The following DMD variants were observed in gnomAD, a reference collection of about 807,000 sequenced individuals.
The protein encoded by DMD is dystrophin.
In DMD, 63 loss-of-function variants were observed where a neutral mutation model predicts 330.1. That is an observed-to-expected ratio of 0.19 (90% CI 0.16 to 0.24). The LOEUF (loss-of-function observed/expected upper bound fraction) is 0.24, where lower values mean the gene tolerates loss of function less well. DMD is among the 10% of genes least tolerant of loss of function. The pLI, the probability that DMD is intolerant of heterozygous loss-of-function variation, is 1.00. For synonymous variants in DMD, 1,223 were observed against 959.8 expected (o/e 1.27, Z -5.07); for missense variants, 3,344 against 2,684.1 (o/e 1.25, Z -5.43).
intron 55 of DMD, among the ~76,000 whole-genome samples, chrX:31,623,874 C>G (rs2078696741): frequency 9.0e-6 from 1 of 110,658 alleles, no homozygotes. Flanking sequence ...CACCACATAC[C>G]CACACCCCCA....
At chrX:33,121,527 C>T (rs2095425017) in intron 1 of DMD, among the ~76,000 whole-genome samples, 1 of 112,219 alleles carries the variant, frequency 8.9e-6, no homozygotes, top group Admixed American at 9.5e-5. Flanking sequence ...GCCACCACGC[C>T]TGGCCTATCA....
intron 44 of DMD, among the ~76,000 whole-genome samples, chrX:32,119,007 G>C (rs777263984): frequency 6.3e-5 from 7 of 111,154 alleles, no homozygotes; most frequent in African/African-American, 2.3e-4. Context: ...TCCTGATGTG[G>C]GGCCCCGGTT....
At chrX:32,782,993 GTA>G (rs764823578) in intron 7 of DMD, among the ~76,000 whole-genome samples, 1 of 101,631 alleles carries the variant, frequency 9.8e-6, no homozygotes, top group Non-Finnish European at 2.0e-5. Flanking sequence ...TATGGTGTGT[GTA>G]TATATACACA....
At chrX:32,155,415 T>C (rs1603627300) in intron 44 of DMD, 1 of 752,793 alleles carries the variant, frequency 1.3e-6, no homozygotes, top group East Asian at 1.5e-4. Context: ...CACGGATGCT[T>C]TTAGTTCAGA....
intron 51 of DMD, among the ~76,000 whole-genome samples, chrX:31,740,173 T>C (rs193138188): frequency 1.8e-5 from 2 of 112,343 alleles, no homozygotes; most frequent in Admixed American, 1.9e-4. Flanking sequence ...AATTTGTTGA[T>C]AATGATTTGC....
chrX:31,744,750 A>G (rs1008052642), intron 51 of DMD, among the ~76,000 whole-genome samples: 1 of 112,463 alleles, frequency 8.9e-6, no homozygotes, highest in Non-Finnish European at 1.9e-5. Flanking sequence ...CTATCCAAAG[A>G]CTGTAGAAAT....
At chrX:32,529,066 C>G (rs1417701735) in intron 17 of DMD, among the ~76,000 whole-genome samples, 1 of 106,768 alleles carries the variant, frequency 9.4e-6, no homozygotes, top group South Asian at 4.3e-4. Context: ...GGACTACAGG[C>G]GCCTGCCGCC....
rs1298028839 is a variant in DMD at position 31,153,979 on chromosome X, CAAG to C, written c.10554-6464_10554-6462del. Among the ~76,000 whole-genome samples, 12 of 112,114 alleles carry C rather than the reference CAAG, an allele frequency of 1.1e-4. No individual in the cohort carries two copies. In the East Asian group the frequency reaches 2.0e-3, roughly 18 times the overall value. ...ATTTCTAAATGTTCATGAGAATTAT[CAAG>C]AAGAACTGATGCTGGAGGGTTTGAA... On this transcript the variant is annotated intron_variant, in intron 74 of 78. Coordinates refer to ENST00000357033, the MANE Select transcript of DMD (RefSeq NM_004006.3).
At chrX:31,142,245 A>T (rs1367197530) in intron 76 of DMD, among the ~76,000 whole-genome samples, 1 of 112,065 alleles carries the variant, frequency 8.9e-6, no homozygotes, top group Non-Finnish European at 1.9e-5. Flanking sequence ...AATATCTTTC[A>T]TTTTAGAAGG....
intron 50 of DMD, among the ~76,000 whole-genome samples, chrX:31,808,109 G>C (rs953336591): frequency 2.7e-5 from 3 of 111,772 alleles, no homozygotes; most frequent in African/African-American, 6.5e-5. Context: ...ATAAATATTA[G>C]GTATGTTCGG....
At chrX:33,014,487 G>T (rs1461331080) in intron 2 of DMD, among the ~76,000 whole-genome samples, 1 of 111,780 alleles carries the variant, frequency 8.9e-6, no homozygotes, top group Non-Finnish European at 1.9e-5. Flanking sequence ...ATGTTACGGA[G>T]ATTGAATTTC....
chrX:32,185,891 T>C (rs758398180), intron 44 of DMD, among the ~76,000 whole-genome samples: 3 of 110,935 alleles, frequency 2.7e-5, no homozygotes, highest in African/African-American at 6.5e-5. Context: ...AATGTATCCC[T>C]TCATTTTGAG....
At chrX:31,858,086 C>G (rs1015072291) in intron 48 of DMD, among the ~76,000 whole-genome samples, 1 of 96,860 alleles carries the variant, frequency 1.0e-5, no homozygotes, top group Non-Finnish European at 2.1e-5. Flanking sequence ...GTAACATCAG[C>G]TAACTTTGCC....
chrX:32,451,079 T>C (rs921920827), intron 26 of DMD, among the ~76,000 whole-genome samples: 4 of 111,099 alleles, frequency 3.6e-5, no homozygotes, highest in Non-Finnish European at 7.6e-5. Context: ...CTCTGCCATC[T>C]TTCATTGCTA....
At chrX:32,492,261 C>A (rs758908690) in intron 19 of DMD, among the ~76,000 whole-genome samples, 6 of 111,829 alleles carry the variant, frequency 5.4e-5, no homozygotes, top group Middle Eastern at 4.7e-3. Flanking sequence ...TGGCGTGAAC[C>A]CGGGAGGCGG....
chrX:32,842,788 T>C (rs1222840447), intron 4 of DMD, among the ~76,000 whole-genome samples: 2 of 109,104 alleles, frequency 1.8e-5, no homozygotes, highest in Non-Finnish European at 3.8e-5. Context: ...TTGTATTTCA[T>C]GCTGTATATG....
At chrX:33,309,007 G>T (rs1027627303) in intron 1 of DMD, among the ~76,000 whole-genome samples, 2 of 111,534 alleles carry the variant, frequency 1.8e-5, no homozygotes, top group East Asian at 2.8e-4. Flanking sequence ...CTTTGGAGAG[G>T]ATGCATTCGG....
At chrX:32,554,408 AAC>A (rs2049931942) in intron 16 of DMD, among the ~76,000 whole-genome samples, 1 of 111,368 alleles carries the variant, frequency 9.0e-6, no homozygotes, top group Non-Finnish European at 1.9e-5. Flanking sequence ...GAATCAAATA[AAC>A]ACAATGAAAA....
chrX:33,008,822 G>GCA (rs2093459324), intron 2 of DMD, among the ~76,000 whole-genome samples: 1 of 40,001 alleles, frequency 2.5e-5, no homozygotes, highest in Admixed American at 2.3e-4. Flanking sequence ...ACACATAAAT[G>GCA]TATACGTATA....
Sources: allele counts gnomAD v4.1 joint callset (sites outside exome capture counted in the v4.1 genomes callset), GRCh38; gene constraint gnomAD v4.1.1; transcripts MANE v1.5; gene names NCBI Gene and HGNC (gene_info 2026-07-23, HGNC 2026-07-21).